Variants in CAMK1D observed in about 807,000 individuals in gnomAD.
CAMK1D encodes calcium/calmodulin dependent protein kinase ID.
In CAMK1D, 9 loss-of-function variants were observed where a neutral mutation model predicts 47.7. That is an observed-to-expected ratio of 0.19 (90% CI 0.11 to 0.33). The LOEUF is 0.33. CAMK1D is among the 10% of genes least tolerant of loss of function. The pLI, the probability that CAMK1D is intolerant of heterozygous loss-of-function variation, is 1.00. For synonymous variants in CAMK1D, 184 were observed against 184.9 expected (o/e 0.99, Z 0.04); for missense variants, 291 against 488.7 (o/e 0.60, Z 3.81).
intron 1 of CAMK1D, 36 bp from the exon 2 acceptor site, chr10:12,553,189 G>T (rs1187340799): frequency 6.2e-7 from 1 of 1,612,972 alleles, no homozygotes; most frequent in South Asian, 1.1e-5. Flanking sequence ...CTGGACTTCT[G>T]CATCTAAGTG....
At chr10:12,670,071 G>A (rs3995695) in intron 3 of CAMK1D, among the ~76,000 whole-genome samples, 41,906 of 149,626 alleles carry the variant, frequency 0.28, 6,423 homozygotes, top group South Asian at 0.39. Flanking sequence ...TAGATGTTGC[G>A]TTCAACTTTT....
At chr10:12,392,194 C>T (rs1335416697) in intron 1 of CAMK1D, among the ~76,000 whole-genome samples, 1 of 151,762 alleles carries the variant, frequency 6.6e-6, no homozygotes, top group African/African-American at 2.4e-5. Context: ...CCCAGCTACT[C>T]GGGAGGCTGA....
chr10:12,406,137 T>C (rs932992424), intron 1 of CAMK1D, among the ~76,000 whole-genome samples: 8 of 152,128 alleles, frequency 5.3e-5, no homozygotes. Flanking sequence ...TCAGTGGCAG[T>C]TCCATTGGCA....
At chr10:12,633,910 C>A (rs1049918197) in intron 2 of CAMK1D, among the ~76,000 whole-genome samples, 6 of 152,170 alleles carry the variant, frequency 3.9e-5, no homozygotes. Flanking sequence ...GATGCCCTGA[C>A]CCTTTTGCAG....
intron 3 of CAMK1D, among the ~76,000 whole-genome samples, chr10:12,701,911 T>G (rs1833534659): frequency 6.6e-6 from 1 of 152,148 alleles, no homozygotes; most frequent in Admixed American, 6.5e-5. Flanking sequence ...CCTGCCATAT[T>G]CCACACATAG....
chr10:12,572,046 C>CG (rs1032412496), intron 2 of CAMK1D, among the ~76,000 whole-genome samples: 15 of 149,624 alleles, frequency 1.0e-4, no homozygotes, highest in African/African-American at 3.7e-4. Flanking sequence ...TAAACCCCCC[C>CG]CCAAAAAAAA....
intron 1 of CAMK1D, among the ~76,000 whole-genome samples, chr10:12,363,115 AT>A (rs1397025102): frequency 6.7e-6 from 1 of 149,210 alleles, no homozygotes; most frequent in Non-Finnish European, 1.5e-5. Flanking sequence ...TAATTTTTGT[AT>A]TTTTAGTGAA....
At chr10:12,616,706 A>G (rs111760505) in intron 2 of CAMK1D, among the ~76,000 whole-genome samples, 1 of 152,010 alleles carries the variant, frequency 6.6e-6, no homozygotes, top group Admixed American at 6.6e-5. Flanking sequence ...TGTAGTAGAC[A>G]CGGGGTTTCA....
intron 1 of CAMK1D, among the ~76,000 whole-genome samples, chr10:12,532,445 A>G (rs1483586322): frequency 6.6e-6 from 1 of 151,964 alleles, no homozygotes; most frequent in Non-Finnish European, 1.5e-5. Context: ...ACGCCTGGCT[A>G]ATTTTTTGTA....
intron 1 of CAMK1D, among the ~76,000 whole-genome samples, chr10:12,452,540 A>G (rs1306224179): frequency 6.6e-6 from 1 of 152,036 alleles, no homozygotes; most frequent in Non-Finnish European, 1.5e-5. Context: ...TATGGTCCAT[A>G]TATCAATACA....
At chr10:12,376,813 G>A (rs2131866144) in intron 1 of CAMK1D, among the ~76,000 whole-genome samples, 1 of 151,644 alleles carries the variant, frequency 6.6e-6, no homozygotes, top group South Asian at 2.1e-4. Flanking sequence ...GAGTACAGTG[G>A]CGTGATCTCG....
At chr10:12,517,295 A>G (rs1248540464) in intron 1 of CAMK1D, among the ~76,000 whole-genome samples, 1 of 152,224 alleles carries the variant, frequency 6.6e-6, no homozygotes, top group African/African-American at 2.4e-5. Context: ...GAGATTTTTA[A>G]AAACATAAAC....
intron 3 of CAMK1D, among the ~76,000 whole-genome samples, chr10:12,758,957 T>C (rs1450515825): frequency 6.6e-6 from 1 of 152,224 alleles, no homozygotes; most frequent in Non-Finnish European, 1.5e-5. Context: ...ACGTTCCGCC[T>C]TCAGAGTGAA....
At chr10:12,458,583 A>G (rs1174652320) in intron 1 of CAMK1D, among the ~76,000 whole-genome samples, 1 of 151,368 alleles carries the variant, frequency 6.6e-6, no homozygotes, top group Non-Finnish European at 1.5e-5. Context: ...TGCCCAACTA[A>G]TTTTATTGTT....
intron 2 of CAMK1D, among the ~76,000 whole-genome samples, chr10:12,586,837 C>T (rs975169499): frequency 3.9e-5 from 6 of 152,180 alleles, no homozygotes; most frequent in African/African-American, 1.4e-4. Context: ...AGCAAACCTC[C>T]AAGTCCCTCA....
At chr10:12,588,866 A>ATGTG (rs61703961) in intron 2 of CAMK1D, among the ~76,000 whole-genome samples, 76,655 of 143,920 alleles carry the variant, frequency 0.53, 21,346 homozygotes, top group East Asian at 0.67. Flanking sequence ...ATATGTATAT[A>ATGTG]TGTGTGTGTG....
chr10:12,694,504 A>G (rs896100245), intron 3 of CAMK1D, among the ~76,000 whole-genome samples: 1 of 130,292 alleles, frequency 7.7e-6, no homozygotes, highest in Non-Finnish European at 1.6e-5. Flanking sequence ...CATAAAATAT[A>G]TATTATATAA....
At chr10:12,698,269 A>T (rs1055314186) in intron 3 of CAMK1D, among the ~76,000 whole-genome samples, 1 of 152,204 alleles carries the variant, frequency 6.6e-6, no homozygotes, top group Non-Finnish European at 1.5e-5. Flanking sequence ...AGGAATGTTT[A>T]AGACATTTAC....
chr10:12,482,110 T>C (rs1417285294), intron 1 of CAMK1D, among the ~76,000 whole-genome samples: 2 of 152,240 alleles, frequency 1.3e-5, no homozygotes, highest in African/African-American at 4.8e-5. Flanking sequence ...GAGCATCTTA[T>C]AGCTGAAGAG....
Sources: allele counts gnomAD v4.1 joint callset (sites outside exome capture counted in the v4.1 genomes callset), GRCh38; gene constraint gnomAD v4.1.1; transcripts MANE v1.5; gene names NCBI Gene and HGNC (gene_info 2026-07-23, HGNC 2026-07-21).